The following AARSD1 variants were observed in gnomAD, a reference collection of about 807,000 sequenced individuals.
AARSD1 encodes the protein alanyl-tRNA editing protein Aarsd1.
A neutral mutation model predicts 48.7 loss-of-function variants in AARSD1; 44 were observed. That is an observed-to-expected ratio of 0.90 (90% CI 0.71 to 1.16). The LOEUF is 1.16. AARSD1 is among the 50% of genes most tolerant of loss of function. The probability of loss-of-function intolerance (pLI) is 0.00; values close to 1 mark genes in which losing one functional copy is unlikely to be tolerated. For synonymous variants in AARSD1, 189 were observed against 194.9 expected (o/e 0.97, Z 0.25); for missense variants, 511 against 523.1 (o/e 0.98, Z 0.23).
rs761655197 is a variant in AARSD1, at chr17:42,964,163, C to T, written c.114G>A (p.Leu38=). The T allele has an allele frequency of 1.2e-6, 2 of 1,614,224 alleles. No individual in the cohort carries two copies. The highest frequency in any genetic ancestry group is 2.2e-5 in the South Asian group (2 of 91,082). ...TEGSNGKKEV[L]SGFQVVLEDT... ...CTTCCAGCACCACTTGGAAACCGCT[C>T]AGCACTTCTTTCTTGCCGTTGCTCC... Residue 38 remains leucine, a synonymous_variant, in exon 2 of 12, where the codon CTG becomes CTA. Transcript: ENST00000427569.
intron 3 of AARSD1, among the ~76,000 whole-genome samples, chr17:42,959,727 G>A (rs1331294066): frequency 4.6e-5 from 7 of 151,004 alleles, no homozygotes; most frequent in African/African-American, 1.7e-4. Context: ...GCAGTGGCGC[G>A]ATCTCGGCTC....
chr17:42,955,996 C>T, intron 6 of AARSD1, 24 bp from the exon 7 acceptor site: 1 of 1,607,926 alleles, frequency 6.2e-7, no homozygotes, highest in Non-Finnish European at 8.5e-7. Flanking sequence ...GGGGGTAACA[C>T]ACACACACAC....
chr17:42,952,037 C>T lies in AARSD1; in HGVS notation c.1009-143G>A. The T allele has an allele frequency of 4.3e-6, 4 of 928,764 alleles. No individual in the cohort carries two copies. The South Asian group carries it at 6.9e-5, about 16-fold the overall frequency. The allele number at this position is 928,764 out of a possible 1,614,324, so 57.5% of individuals were successfully genotyped here. A position where few individuals can be genotyped will look rare whatever the true frequency, so the allele number is the denominator to read the frequency against. On this transcript the variant is annotated intron_variant, in intron 10 of 11. Coordinates refer to ENST00000427569, the MANE Select transcript of AARSD1 (RefSeq NM_001261434.2). ...CGCTCCTGATGAATGATGATACAGCCCCTCCACACTGGCCCACGAGGGCCA... is the reference window on the plus strand; with the variant it reads ...CGCTCCTGATGAATGATGATACAGCTCCTCCACACTGGCCCACGAGGGCCA...
Position 42,964,320 on chromosome 17 carries a change from G to A in AARSD1, c.39+82C>T, listed in dbSNP as rs900777619. The A allele has an allele frequency of 4.3e-5, 69 of 1,599,594 alleles. No individual in the cohort carries two copies. The African/African-American group carries it at 8.4e-4, about 20-fold the overall frequency. ...CCACACCAGGACAGAATGCCATGTT[G>A]GCACTCCCTACACGTGGCGCCCTCT... On this transcript the variant is annotated intron_variant, in intron 1 of 11. Transcript: ENST00000427569.
At chr17:42,964,036 G>A (rs1017877922) in intron 2 of AARSD1, 70 bp downstream of exon 2, 1 of 1,595,808 alleles carries the variant, frequency 6.3e-7, no homozygotes, top group Non-Finnish European at 8.5e-7. Flanking sequence ...TGAGAAAAAA[G>A]GGGCAGGAGA....
At chr17:42,961,498 G>T in intron 2 of AARSD1, 147 bp from the exon 3 acceptor site, 1 of 1,131,018 alleles carries the variant, frequency 8.8e-7, no homozygotes, top group Non-Finnish European at 1.2e-6. Context: ...AGTCCACTTT[G>T]TTCCATGAGA....
At chr17:42,958,593 T>C (rs1030451090) in intron 3 of AARSD1, among the ~76,000 whole-genome samples, 5 of 151,722 alleles carry the variant, frequency 3.3e-5, no homozygotes, top group African/African-American at 1.2e-4. Flanking sequence ...TATTTTGAGA[T>C]GGAGTATCGC....
chr17:42,955,820 G>C (rs745553403), intron 7 of AARSD1, 22 bp downstream of exon 7: 55 of 1,613,536 alleles, frequency 3.4e-5, no homozygotes, highest in Non-Finnish European at 4.7e-5. Flanking sequence ...GGAGGTAATC[G>C]AAGGTACTGA....
At chr17:42,959,658 A>C (rs28809209) in intron 3 of AARSD1, among the ~76,000 whole-genome samples, 3 of 147,408 alleles carry the variant, frequency 2.0e-5, no homozygotes, top group Admixed American at 6.8e-5. Context: ...GTGCCCAGCC[A>C]TTTCTCTTTT....
At chr17:42,954,788 C>T (rs1219818959) in intron 9 of AARSD1, 88 bp downstream of exon 9, 4 of 1,390,774 alleles carry the variant, frequency 2.9e-6, no homozygotes, top group African/African-American at 2.9e-5. Flanking sequence ...AGCAATCCAC[C>T]TCCCACTGTA....
chr17:42,958,664 G>A (rs986752386), intron 3 of AARSD1, among the ~76,000 whole-genome samples: 16 of 150,248 alleles, frequency 1.1e-4, no homozygotes, highest in South Asian at 2.1e-4. Flanking sequence ...TCTGCCTCTC[G>A]GGTTCAAGCG....
rs1334836274 is a variant in AARSD1 at position 42,950,538 on chromosome 17, CTA to C, written c.*53_*54del. On this transcript the variant is annotated 3_prime_UTR_variant, in exon 12 of 12. Transcript: ENST00000427569. ...GGTAGCGCAACCATTCTGAGTCAAT[CTA>C]TTTTATTGACCAAAAGATTCCTGTG... 32 of 1,554,510 alleles carry C rather than the reference CTA, an allele frequency of 2.1e-5. No individual in the cohort carries two copies. In the Middle Eastern group the frequency reaches 2.7e-3, roughly 133 times the overall value.
chr17:42,954,866 A>G lies in AARSD1; in HGVS notation c.953+10T>C. 6.2e-7 allele frequency: 1 copy of G among 1,613,834 alleles called. No homozygotes were observed. Among genetic ancestry groups the G allele is most frequent in the Non-Finnish European group, 8.5e-7 (1 of 1,179,866 alleles). On this transcript the variant is annotated intron_variant, in intron 9 of 11. Coordinates refer to ENST00000427569, the MANE Select transcript of AARSD1 (RefSeq NM_001261434.2). The stretch of plus-strand genomic sequence containing the variant: ...TTCCCCTTCCTTGTGTCCAGCTCCT[A>G]ATTTCTCACCTGTGTAATATGACCA...
At chr17:42,957,064 A>T in intron 4 of AARSD1, 74 bp downstream of exon 4, 2 of 1,585,524 alleles carry the variant, frequency 1.3e-6, no homozygotes, top group South Asian at 2.2e-5. Flanking sequence ...CGGCTCAAGC[A>T]ATTCTCCCAC....
Position 42,957,207 on chromosome 17 carries a change from G to C in AARSD1, c.332-12C>G, listed in dbSNP as rs200223269. ...GATGAGATGCTGCCCTAAGCAAAGA[G>C]AGCCAGAGACAGGAGAAAAGTGAGA... On this transcript the variant is annotated splice_polypyrimidine_tract_variant and intron_variant, in intron 3 of 11. Transcript: ENST00000427569. 84 of 1,613,454 alleles carry C rather than the reference G, an allele frequency of 5.2e-5. No homozygotes were observed. In the African/African-American group the frequency reaches 9.5e-4, roughly 18 times the overall value.
chr17:42,954,986 C>T lies in AARSD1; in HGVS notation c.862-19G>A, dbSNP rs2151940592. 1 of 1,614,082 alleles carries T rather than the reference C, an allele frequency of 6.2e-7. No individual in the cohort carries two copies. The highest frequency in any genetic ancestry group is 1.1e-5 in the South Asian group (1 of 91,074). ...GGTTATTCTGAAATGGATATGGTAACTCAGTAGATAAATGGAAAGGATAAC... is the reference window on the plus strand; with the variant it reads ...GGTTATTCTGAAATGGATATGGTAATTCAGTAGATAAATGGAAAGGATAAC... On this transcript the variant is annotated intron_variant, in intron 8 of 11. Coordinates refer to ENST00000427569, the MANE Select transcript of AARSD1 (RefSeq NM_001261434.2).
rs574192282 is a variant in AARSD1 at position 42,960,524 on chromosome 17, A to G, written c.331+668T>C. Among the ~76,000 whole-genome samples the G allele has an allele frequency of 2.0e-5, 3 of 151,914 alleles. No individual in the cohort carries two copies. The South Asian group carries it at 6.2e-4, about 32-fold the overall frequency. On this transcript the variant is annotated intron_variant, in intron 3 of 11. Coordinates refer to ENST00000427569, the MANE Select transcript of AARSD1 (RefSeq NM_001261434.2). Reference sequence around the variant, plus strand: ...GATCATCTGAGGTCAGGAGTTCAAGACCAGCCTGACCAATATGGTGAAACA... The same window carrying G: ...GATCATCTGAGGTCAGGAGTTCAAGGCCAGCCTGACCAATATGGTGAAACA...
rs1309768156 is a variant in AARSD1, at chr17:42,955,188, C to T, written c.831G>A (p.Lys277=). 1.2e-6 allele frequency: 2 copies of T among 1,614,108 alleles called. No homozygotes were observed. Among genetic ancestry groups the T allele is most frequent in the East Asian group, 2.2e-5 (1 of 44,878 alleles). The part of the protein sequence containing the change: ...GAEDHVEAVK[K]LQNSTKILQK... ...GCAGGATCTTGGTGGAGTTCTGGAGCTTTTTCACTGCTTCCACATGATCCT... is the reference window on the plus strand; with the variant it reads ...GCAGGATCTTGGTGGAGTTCTGGAGTTTTTTCACTGCTTCCACATGATCCT... The change falls in exon 8 of 12, where the codon AAG becomes AAA. Residue 277 remains lysine (K), a synonymous_variant. Coordinates refer to ENST00000427569, the MANE Select transcript of AARSD1 (RefSeq NM_001261434.2).
At chr17:42,961,406 T>C in intron 2 of AARSD1, 55 bp from the exon 3 acceptor site, 1 of 1,611,216 alleles carries the variant, frequency 6.2e-7, no homozygotes, top group South Asian at 1.1e-5. Context: ...CCCTAACTTC[T>C]AGGTACAAAG....
Sources: gnomAD v4.1 joint callset for allele counts (sites outside exome capture counted in the v4.1 genomes callset) on GRCh38, gnomAD v4.1.1 for gene constraint, MANE v1.5 for transcripts, NCBI Gene and HGNC (gene_info 2026-07-23, HGNC 2026-07-21) for gene names.